EPB41: variants seen among roughly 807,000 people sequenced by gnomAD.
EPB41 encodes erythrocyte membrane protein band 4.1.
EPB41 carries 65 observed loss-of-function variants against 108.0 expected under a neutral mutation model. The observed-to-expected ratio is 0.60, with a 90% CI of 0.49 to 0.74. EPB41 has a LOEUF of 0.74. Among genes scored for constraint, EPB41 ranks in the 30% least tolerant of loss-of-function variants. EPB41 has a pLI of 0.00. For synonymous variants in EPB41, 336 were observed against 358.9 expected, an observed-to-expected ratio of 0.94 and a Z score of 0.72; for missense variants, 875 against 1,037.0, an observed-to-expected ratio of 0.84 and a Z score of 2.15.
At chr1:29,038,838 G>A (rs540833333) in intron 10 of EPB41, among the ~76,000 whole-genome samples, 29 of 152,330 alleles carry the variant, frequency 1.9e-4, no homozygotes, top group Non-Finnish European at 3.4e-4. Flanking sequence ...TGACAAAACT[G>A]TCATTCCAGG....
intron 17 of EPB41, among the ~76,000 whole-genome samples, chr1:29,106,522 A>G (rs1454925159): frequency 6.8e-6 from 1 of 147,200 alleles, no homozygotes; most frequent in Non-Finnish European, 1.5e-5. Flanking sequence ...CAGTGGCGCA[A>G]TCTCAACTCA....
intron 8 of EPB41, among the ~76,000 whole-genome samples, chr1:29,031,145 C>T (rs1267623392): frequency 1.3e-5 from 2 of 152,180 alleles, no homozygotes; most frequent in Non-Finnish European, 2.9e-5. Flanking sequence ...TTAAATCAGT[C>T]AACTGTATCA....
intron 7 of EPB41, among the ~76,000 whole-genome samples, chr1:29,023,324 A>G (rs1345945588): frequency 1.3e-5 from 2 of 151,958 alleles, no homozygotes; most frequent in African/African-American, 2.4e-5. Flanking sequence ...GAAATTTAAT[A>G]AACATTTTAA....
intron 4 of EPB41, among the ~76,000 whole-genome samples, chr1:29,001,967 A>T (rs2096302067): frequency 6.6e-6 from 1 of 152,162 alleles, no homozygotes; most frequent in African/African-American, 2.4e-5. Flanking sequence ...ACAAATGTTT[A>T]TTGAAAGAGT....
At chr1:28,947,741 C>G (rs2094540472) in intron 1 of EPB41, among the ~76,000 whole-genome samples, 1 of 152,154 alleles carries the variant, frequency 6.6e-6, no homozygotes, top group Non-Finnish European at 1.5e-5. Flanking sequence ...ATGAGAATCA[C>G]TTGAACCCAG....
At chr1:29,108,920 C>A (rs180812758) in intron 17 of EPB41, among the ~76,000 whole-genome samples, 2 of 149,438 alleles carry the variant, frequency 1.3e-5, no homozygotes, top group East Asian at 3.9e-4. Context: ...TTACCCTGGC[C>A]GGGTGCGGTA....
chr1:29,074,875 G>A (rs930885543), intron 16 of EPB41, among the ~76,000 whole-genome samples: 14 of 152,136 alleles, frequency 9.2e-5, no homozygotes, highest in Middle Eastern at 3.2e-3. Context: ...AATCTTTTGT[G>A]TGTCCAGGCG....
intron 1 of EPB41, among the ~76,000 whole-genome samples, chr1:28,921,961 T>TATATATATATATATGC (rs770764638): frequency 3.2e-4 from 35 of 109,936 alleles, no homozygotes; most frequent in Non-Finnish European, 4.8e-4. Flanking sequence ...TATATATATA[T>TATATATATATATATGC]ACACTTTTTT....
At chr1:28,992,137 G>C (rs1256822426) in intron 2 of EPB41, among the ~76,000 whole-genome samples, 2 of 152,198 alleles carry the variant, frequency 1.3e-5, no homozygotes, top group Non-Finnish European at 2.9e-5. Flanking sequence ...AGATAGGATA[G>C]CCAGTGAAGA....
chr1:28,901,214 C>T (rs1014629162), intron 1 of EPB41, among the ~76,000 whole-genome samples: 2 of 147,930 alleles, frequency 1.4e-5, no homozygotes, highest in African/African-American at 4.9e-5. Context: ...CAGGCGTGAG[C>T]CACTGCACCC....
intron 16 of EPB41, among the ~76,000 whole-genome samples, chr1:29,078,091 T>G (rs1654835751): frequency 6.6e-6 from 1 of 152,078 alleles, no homozygotes; most frequent in Non-Finnish European, 1.5e-5. Context: ...CCAGGTATGG[T>G]GGCGCACGCC....
intron 1 of EPB41, among the ~76,000 whole-genome samples, chr1:28,964,108 T>C (rs1055766142): frequency 6.6e-6 from 1 of 152,158 alleles, no homozygotes; most frequent in Non-Finnish European, 1.5e-5. Flanking sequence ...ACACACACAT[T>C]AACACATATT....
intron 16 of EPB41, among the ~76,000 whole-genome samples, chr1:29,086,862 T>C (rs1659160910): frequency 6.6e-6 from 1 of 151,914 alleles, no homozygotes; most frequent in Non-Finnish European, 1.5e-5. Flanking sequence ...TGTAGCAAAA[T>C]TTTAGAAAAA....
At chr1:29,070,534 T>A (rs1330854583) in intron 16 of EPB41, 7 of 1,232,036 alleles carry the variant, frequency 5.7e-6, no homozygotes. Flanking sequence ...ACTTTAGTAC[T>A]TTTCCATCTC....
At chr1:28,912,528 T>C (rs2092309654), upstream of EPB41, among the ~76,000 whole-genome samples, 1 of 152,200 alleles carries the variant, frequency 6.6e-6, no homozygotes, top group African/African-American at 2.4e-5. Context: ...AGTCTCTGAA[T>C]AGTAATAATA....
At chr1:28,906,656 C>A (rs1036479988) in intron 1 of EPB41, among the ~76,000 whole-genome samples, 2 of 152,216 alleles carry the variant, frequency 1.3e-5, no homozygotes, top group African/African-American at 4.8e-5. Context: ...TCATTCACAT[C>A]ATTTCCAAAG....
At chr1:29,114,091 C>T (rs1273335989) in intron 19 of EPB41, among the ~76,000 whole-genome samples, 1 of 152,104 alleles carries the variant, frequency 6.6e-6, no homozygotes, top group Non-Finnish European at 1.5e-5. Flanking sequence ...TCTTCCCTTG[C>T]CCCTTCTAGA....
At position 28,987,506 on chromosome 1, in the gene EPB41, G is replaced by C. The variant is rs754254259; in HGVS notation, c.69G>C (p.Glu23Asp). Residue 23 changes from glutamate to aspartate, a missense_variant, in exon 2 of 21, where the codon GAG (glutamate) becomes GAC (aspartate). Transcript: ENST00000343067. ...AGCACCAACAGAAGGAAGAGGGTGAGGAAGCCATAAACTCAGGCCAACAAG... is the reference window on the plus strand; with the variant it reads ...AGCACCAACAGAAGGAAGAGGGTGACGAAGCCATAAACTCAGGCCAACAAG... ...NSQHQQKEEG[E>D]EAINSGQQEP... The C allele has an allele frequency of 4.0e-5, 65 of 1,613,972 alleles. No individual in the cohort carries two copies. Among genetic ancestry groups the C allele is most frequent in the Non-Finnish European group, 5.3e-5 (62 of 1,180,034 alleles).
intron 1 of EPB41, among the ~76,000 whole-genome samples, chr1:28,933,981 T>C (rs192928843): frequency 7.9e-5 from 12 of 152,322 alleles, no homozygotes; most frequent in Admixed American, 6.5e-4. Context: ...TTTATTCAGA[T>C]TTCCTCAGGT....
Sources: allele counts gnomAD v4.1 joint callset (sites outside exome capture counted in the v4.1 genomes callset), GRCh38; gene constraint gnomAD v4.1.1; transcripts MANE v1.5; gene names NCBI Gene and HGNC (gene_info 2026-07-23, HGNC 2026-07-21).